PRKG1: variants seen among roughly 807,000 people sequenced by gnomAD.
The protein encoded by PRKG1 is protein kinase cGMP-dependent 1, also known as cGMP-dependent protein kinase 1.
Under a neutral mutation model 88.1 loss-of-function variants are expected in PRKG1, and 35 were observed. That is an observed-to-expected ratio of 0.40 (90% CI 0.30 to 0.53). The LOEUF is 0.53. Among genes scored for constraint, PRKG1 ranks in the 20% least tolerant of loss-of-function variants. PRKG1 has a pLI of 0.59. For missense variants in PRKG1, 540 were observed against 839.8 expected (o/e 0.64, Z 4.41); for synonymous variants, 303 against 292.5 (o/e 1.04, Z -0.37).
chr10:51,688,651 A>T (rs572160913), intron 3 of PRKG1, among the ~76,000 whole-genome samples: 30 of 151,442 alleles, frequency 2.0e-4, no homozygotes, highest in African/African-American at 6.8e-4. Context: ...AGATTTTTAA[A>T]GTATTTTAAA....
At chr10:52,075,476 T>C (rs907471592) in intron 7 of PRKG1, among the ~76,000 whole-genome samples, 1 of 152,220 alleles carries the variant, frequency 6.6e-6, no homozygotes, top group South Asian at 2.1e-4. Context: ...TTTGGAAGAC[T>C]AACTCCATCT....
At chr10:52,042,757 G>A (rs1053064520) in intron 5 of PRKG1, among the ~76,000 whole-genome samples, 1 of 152,050 alleles carries the variant, frequency 6.6e-6, no homozygotes, top group African/African-American at 2.4e-5. Flanking sequence ...CTGCCCAGCA[G>A]GGGAAACAAT....
chr10:51,486,457 A>G (rs951958464), intron 3 of PRKG1, among the ~76,000 whole-genome samples: 3 of 152,202 alleles, frequency 2.0e-5, no homozygotes, highest in African/African-American at 7.2e-5. Context: ...GATATATACA[A>G]CTTTTAGTAT....
chr10:52,130,469 A>G (rs1012767455), intron 7 of PRKG1, among the ~76,000 whole-genome samples: 1 of 152,240 alleles, frequency 6.6e-6, no homozygotes, highest in Non-Finnish European at 1.5e-5. Context: ...TGCACAGAAG[A>G]TATCTTCAAA....
chr10:51,407,384 A>G (rs1270345470), intron 2 of PRKG1, among the ~76,000 whole-genome samples: 2 of 152,246 alleles, frequency 1.3e-5, no homozygotes, highest in Admixed American at 6.5e-5. Context: ...ATGCTATTAC[A>G]TAAAGTTAAC....
intron 7 of PRKG1, among the ~76,000 whole-genome samples, chr10:52,097,880 G>T (rs10824033): frequency 0.23 from 34,787 of 151,674 alleles, 4,187 homozygotes; most frequent in East Asian, 0.35. Context: ...TCATTATAGG[G>T]CATAATGCTT....
chr10:51,833,593 A>G (rs1840056432), intron 4 of PRKG1, among the ~76,000 whole-genome samples: 1 of 152,172 alleles, frequency 6.6e-6, no homozygotes, highest in Non-Finnish European at 1.5e-5. Flanking sequence ...GTATATGTTT[A>G]TGTGGCACAA....
intron 9 of PRKG1, among the ~76,000 whole-genome samples, chr10:52,170,603 C>T (rs1431724469): frequency 6.6e-6 from 1 of 152,168 alleles, no homozygotes; most frequent in African/African-American, 2.4e-5. Flanking sequence ...TATTGCCTAC[C>T]TGTGTACCAC....
chr10:52,040,462 GCTGGT>G (rs1413952160), intron 5 of PRKG1, among the ~76,000 whole-genome samples: 1 of 152,158 alleles, frequency 6.6e-6, no homozygotes, highest in Non-Finnish European at 1.5e-5. Flanking sequence ...TAGAATGCTT[GCTGGT>G]CTACTCTATA....
chr10:52,100,568 C>T (rs1847273141), intron 7 of PRKG1, among the ~76,000 whole-genome samples: 1 of 152,126 alleles, frequency 6.6e-6, no homozygotes, highest in Non-Finnish European at 1.5e-5. Context: ...CTGAGGATCC[C>T]TATTGATGAT....
chr10:52,166,423 G>T lies in PRKG1; in HGVS notation c.1076+4460G>T, dbSNP rs902682490. 5.6e-5 allele frequency among the ~76,000 whole-genome samples: 8 copies of T among 143,484 alleles called. No individual in the cohort carries two copies. The South Asian group carries it at 1.5e-3, about 27-fold the overall frequency. The allele number at this position is 143,484 out of a possible 152,430, so 94.1% of individuals were successfully genotyped here. On this transcript the variant is annotated intron_variant, in intron 9 of 17. Coordinates refer to ENST00000373980, the MANE Select transcript of PRKG1 (RefSeq NM_006258.4). The stretch of plus-strand genomic sequence containing the variant: ...TAATTATTATGAAATAATAGTATTT[G>T]AATATAATTTTTTTTTTTTTTTTTT...
At chr10:52,106,705 A>AAATAATAATAAT (rs57109678) in intron 7 of PRKG1, among the ~76,000 whole-genome samples, 31 of 140,048 alleles carry the variant, frequency 2.2e-4, no homozygotes, top group East Asian at 4.3e-4. Flanking sequence ...CTCTGTCCCA[A>AAATAATAATAAT]AATAATAATA....
At chr10:51,181,796 G>A (rs1236752589) in intron 2 of PRKG1, among the ~76,000 whole-genome samples, 1 of 152,182 alleles carries the variant, frequency 6.6e-6, no homozygotes, top group Non-Finnish European at 1.5e-5. Flanking sequence ...TCTATTAAAG[G>A]AGAATTCGAC....
chr10:51,698,725 A>T, intron 3 of PRKG1: 1 of 1,614,238 alleles, frequency 6.2e-7, no homozygotes, highest in African/African-American at 1.3e-5. Context: ...AACCAGGACC[A>T]GCTCCGGGAA....
intron 3 of PRKG1, among the ~76,000 whole-genome samples, chr10:51,561,396 G>A (rs1214241164): frequency 1.3e-5 from 2 of 151,970 alleles, no homozygotes; most frequent in Non-Finnish European, 2.9e-5. Flanking sequence ...CATTTAACTT[G>A]AAAAAATTAA....
At chr10:52,111,184 A>T (rs1252592892) in intron 7 of PRKG1, among the ~76,000 whole-genome samples, 2 of 152,248 alleles carry the variant, frequency 1.3e-5, no homozygotes, top group Admixed American at 6.5e-5. Flanking sequence ...ATCACACAAG[A>T]TAGAAAGTTG....
At chr10:51,814,064 TG>T (rs972788335) in intron 4 of PRKG1, among the ~76,000 whole-genome samples, 2 of 152,186 alleles carry the variant, frequency 1.3e-5, no homozygotes, top group African/African-American at 4.8e-5. Flanking sequence ...CAGTGTCTTC[TG>T]CAGACATTCA....
intron 2 of PRKG1, among the ~76,000 whole-genome samples, chr10:51,427,369 C>G (rs1838620444): frequency 6.6e-6 from 1 of 152,184 alleles, no homozygotes; most frequent in Non-Finnish European, 1.5e-5. Context: ...CCCTCATACA[C>G]TAGCAAAGTT....
intron 3 of PRKG1, among the ~76,000 whole-genome samples, chr10:51,701,023 A>G (rs1290967307): frequency 6.6e-6 from 1 of 152,152 alleles, no homozygotes; most frequent in African/African-American, 2.4e-5. Flanking sequence ...GATCAAATAC[A>G]AAAAAAGTAA....
Sources: allele counts gnomAD v4.1 joint callset (sites outside exome capture counted in the v4.1 genomes callset), GRCh38; gene constraint gnomAD v4.1.1; transcripts MANE v1.5; gene names NCBI Gene and HGNC (gene_info 2026-07-23, HGNC 2026-07-21).